The following KHDRBS2 variants were observed in gnomAD, a reference collection of about 807,000 sequenced individuals.
The protein encoded by KHDRBS2 is KH RNA binding domain containing, signal transduction associated 2.
A neutral mutation model predicts 44.3 loss-of-function variants in KHDRBS2; 26 were observed. The ratio of observed to expected loss-of-function variants is 0.59; its 90% confidence interval spans 0.43 to 0.81. The LOEUF is 0.81. Ranked by LOEUF, KHDRBS2 falls within the 40% of genes least tolerant of loss-of-function variation. The pLI, the probability that KHDRBS2 is intolerant of heterozygous loss-of-function variation, is 0.00. For synonymous variants in KHDRBS2, 194 were observed against 151.1 expected (o/e 1.28, Z -2.08); for missense variants, 476 against 433.1 (o/e 1.10, Z -0.88).
chr6:61,991,556 G>A (rs1405921911), intron 3 of KHDRBS2, among the ~76,000 whole-genome samples: 1 of 152,192 alleles, frequency 6.6e-6, no homozygotes, highest in East Asian at 1.9e-4. Context: ...TCTTCCCCCA[G>A]TAGATATTGC....
At chr6:62,188,787 A>C (rs1360805557) in intron 1 of KHDRBS2, among the ~76,000 whole-genome samples, 1 of 152,172 alleles carries the variant, frequency 6.6e-6, no homozygotes, top group African/African-American at 2.4e-5. Context: ...CATTAGAAAC[A>C]CTGTGGTTCC....
At chr6:61,615,646 T>C in the KHDRBS2 span, among the ~76,000 whole-genome samples, 1 of 152,200 alleles carries the variant, frequency 6.6e-6, no homozygotes, top group South Asian at 2.1e-4. Flanking sequence ...AAATCCAAAG[T>C]GTTCCGAATT....
rs546857899 is a variant in KHDRBS2 at position 61,772,628 on chromosome 6, C to CTTTTA, written c.811-39869_811-39865dup. On this transcript the variant is annotated intron_variant, in intron 6 of 8. Transcript: ENST00000281156. ...ACTAAACCAGGAAGAAGTTGATTCTCTTTTATTTTATTTTATTTTATTTTA... is the reference window on the plus strand; with the variant it reads ...ACTAAACCAGGAAGAAGTTGATTCTCTTTTATTTTATTTTATTTTATTTTATTTTA... Among the ~76,000 whole-genome samples, 787 of 151,448 alleles carry CTTTTA rather than the reference C, an allele frequency of 5.2e-3. 8 individuals carry two copies. Among genetic ancestry groups the CTTTTA allele is most frequent in the African/African-American group, 0.015 (624 of 41,426 alleles).
intron 6 of KHDRBS2, among the ~76,000 whole-genome samples, chr6:61,760,987 TA>T (rs1359376758): frequency 1.3e-5 from 2 of 152,214 alleles, no homozygotes; most frequent in Non-Finnish European, 2.9e-5. Flanking sequence ...TTTTTAGTGG[TA>T]AGATTCAGGC....
intron 3 of KHDRBS2, among the ~76,000 whole-genome samples, chr6:62,012,134 C>T (rs1293224656): frequency 6.6e-6 from 1 of 152,194 alleles, no homozygotes; most frequent in African/African-American, 2.4e-5. Context: ...ACAGCTAAAA[C>T]TAAACTTTAC....
chr6:61,593,474 G>GTTT, the KHDRBS2 span, among the ~76,000 whole-genome samples: 3 of 146,390 alleles, frequency 2.0e-5, no homozygotes, highest in Admixed American at 1.4e-4. Flanking sequence ...TGTACTATAG[G>GTTT]TTTTTTTTTT....
intron 6 of KHDRBS2, among the ~76,000 whole-genome samples, chr6:61,793,778 G>A (rs1784949010): frequency 6.6e-6 from 1 of 151,928 alleles, no homozygotes; most frequent in Admixed American, 6.6e-5. Context: ...TTTTTGTAAT[G>A]GTTATGTGCA....
the KHDRBS2 span, among the ~76,000 whole-genome samples, chr6:61,561,651 G>A: frequency 6.6e-6 from 1 of 152,068 alleles, no homozygotes; most frequent in Non-Finnish European, 1.5e-5. Context: ...TGAGAGTATT[G>A]CCATGGTATC....
At chr6:61,863,566 C>A (rs1004638896) in intron 6 of KHDRBS2, among the ~76,000 whole-genome samples, 2 of 152,032 alleles carry the variant, frequency 1.3e-5, no homozygotes, top group Non-Finnish European at 2.9e-5. Flanking sequence ...CATTCTAGAG[C>A]AGGTTGTTCA....
At chr6:61,548,714 C>A in the KHDRBS2 span, among the ~76,000 whole-genome samples, 4 of 151,880 alleles carry the variant, frequency 2.6e-5, no homozygotes, top group Admixed American at 2.6e-4. Context: ...AAACAGAAAA[C>A]AGACGGACTC....
At chr6:61,741,164 C>T (rs1776081843) in intron 6 of KHDRBS2, among the ~76,000 whole-genome samples, 1 of 151,494 alleles carries the variant, frequency 6.6e-6, no homozygotes, top group East Asian at 1.9e-4. Flanking sequence ...TTTTGTTTAA[C>T]AGAGACCTGT....
chr6:61,776,865 A>G (rs1365792333), intron 6 of KHDRBS2, among the ~76,000 whole-genome samples: 3 of 152,200 alleles, frequency 2.0e-5, no homozygotes, highest in African/African-American at 7.2e-5. Context: ...ACTATTCACA[A>G]TAGGAAATAC....
At chr6:62,239,405 T>A (rs942152207) in intron 1 of KHDRBS2, among the ~76,000 whole-genome samples, 2 of 152,026 alleles carry the variant, frequency 1.3e-5, no homozygotes, top group African/African-American at 2.4e-5. Flanking sequence ...AAACCCTGTC[T>A]CTGCTAAAAA....
intron 1 of KHDRBS2, among the ~76,000 whole-genome samples, chr6:62,190,654 T>A (rs1487918721): frequency 2.0e-5 from 3 of 152,106 alleles, no homozygotes; most frequent in African/African-American, 7.2e-5. Flanking sequence ...TATATTTACA[T>A]TCTAAAATTT....
chr6:61,783,291 C>G (rs1023579970), intron 6 of KHDRBS2, among the ~76,000 whole-genome samples: 3 of 152,064 alleles, frequency 2.0e-5, no homozygotes, highest in Non-Finnish European at 2.9e-5. Context: ...TTCTTCTTAG[C>G]CTGATACATC....
At chr6:61,888,732 T>C (rs1801350529) in intron 6 of KHDRBS2, among the ~76,000 whole-genome samples, 1 of 151,870 alleles carries the variant, frequency 6.6e-6, no homozygotes, top group African/African-American at 2.4e-5. Flanking sequence ...CAGCTAACTT[T>C]TCGCATTTTT....
the KHDRBS2 span, among the ~76,000 whole-genome samples, chr6:61,597,091 G>T: frequency 0.17 from 26,086 of 152,130 alleles, 2,471 homozygotes; most frequent in East Asian, 0.29. Flanking sequence ...AGGCATGATA[G>T]TCAGGAAAAG....
chr6:61,603,872 C>T, the KHDRBS2 span, among the ~76,000 whole-genome samples: 29,077 of 152,048 alleles, frequency 0.19, 2,937 homozygotes, highest in African/African-American at 0.23. Context: ...ACCTGACATA[C>T]ACCCCATTTC....
downstream of KHDRBS2, chr6:61,678,749 C>T (rs1473991756): frequency 2.0e-5 from 3 of 151,914 alleles, no homozygotes; most frequent in African/African-American, 7.2e-5. Context: ...ACTTCAATTT[C>T]TTGACAACAA....
Sources: gnomAD v4.1 joint callset for allele counts (sites outside exome capture counted in the v4.1 genomes callset) on GRCh38, gnomAD v4.1.1 for gene constraint, MANE v1.5 for transcripts, NCBI Gene and HGNC (gene_info 2026-07-23, HGNC 2026-07-21) for gene names.